Variants in UROS observed in about 807,000 individuals in gnomAD.
The protein encoded by UROS is uroporphyrinogen-III synthase.
A neutral mutation model predicts 33.0 loss-of-function variants in UROS; 18 were observed. That is an observed-to-expected ratio of 0.55 (90% CI 0.38 to 0.81). UROS has a LOEUF of 0.81. Among genes scored for constraint, UROS ranks in the 30% least tolerant of loss-of-function variants. The pLI is 0.00. For missense variants in UROS, 293 were observed against 314.9 expected (o/e 0.93, Z 0.53); for synonymous variants, 114 against 121.1 (o/e 0.94, Z 0.38).
downstream of UROS, among the ~76,000 whole-genome samples, chr10:125,787,429 T>TC (rs1850665330): frequency 6.6e-6 from 1 of 152,128 alleles, no homozygotes; most frequent in African/African-American, 2.4e-5. Flanking sequence ...CTGATCACAC[T>TC]CCAGCTATGG....
At chr10:125,801,567 C>G (rs1037815058) in intron 6 of UROS, among the ~76,000 whole-genome samples, 3 of 152,232 alleles carry the variant, frequency 2.0e-5, no homozygotes, top group African/African-American at 7.2e-5. Context: ...AAAGAAAAAT[C>G]ATTAATGCCT....
chr10:125,820,186 G>C (rs945181350), intron 1 of UROS, among the ~76,000 whole-genome samples: 1 of 152,178 alleles, frequency 6.6e-6, no homozygotes, highest in Non-Finnish European at 1.5e-5. Flanking sequence ...AAAGGGATTT[G>C]TTATAAGGTA....
intron 6 of UROS, chr10:125,802,800 C>A (rs2133871736): frequency 6.9e-7 from 1 of 1,443,722 alleles, no homozygotes; most frequent in East Asian, 2.5e-5. Context: ...CAGACTGAGG[C>A]ATCTGTGCGA....
At chr10:125,789,238 C>A in intron 9 of UROS, 1 of 1,433,964 alleles carries the variant, frequency 7.0e-7, no homozygotes, top group Non-Finnish European at 9.1e-7. Flanking sequence ...TGTCGCCAGG[C>A]TCAGGTGAGG....
At chr10:125,806,312 A>C (rs1036588229) in intron 6 of UROS, among the ~76,000 whole-genome samples, 2 of 152,134 alleles carry the variant, frequency 1.3e-5, no homozygotes, top group African/African-American at 4.8e-5. Flanking sequence ...GACCTATTTA[A>C]GGTATACTCT....
downstream of UROS, chr10:125,785,773 A>G (rs1257811239): frequency 6.6e-6 from 1 of 152,246 alleles, no homozygotes; most frequent in Non-Finnish European, 1.5e-5. Flanking sequence ...TTGGCTCTCA[A>G]ATTCCTGTGT....
intron 1 of UROS, among the ~76,000 whole-genome samples, chr10:125,822,780 G>A (rs1854099639): frequency 6.6e-6 from 1 of 152,172 alleles, no homozygotes; most frequent in Non-Finnish European, 1.5e-5. Flanking sequence ...ATTTTTAACT[G>A]CGGTGCCGGC....
In UROS at chr10:125,816,776, T is replaced by C. The variant is rs560857910; in HGVS notation, c.-26-251A>G. On this transcript the variant is annotated intron_variant, in intron 1 of 9. Coordinates refer to ENST00000368797, the MANE Select transcript of UROS (RefSeq NM_000375.3). ...GATGAAACCATTAGTGAAAGCCAAG[T>C]GTCCTATGCCAAACGTTTATGGTTC... 5 of 559,798 alleles carry C rather than the reference T, an allele frequency of 8.9e-6. No individual in the cohort carries two copies. In the South Asian group the frequency reaches 1.1e-4, roughly 12 times the overall value. The allele number at this position is 559,798 out of a possible 1,614,324, so 34.7% of individuals were successfully genotyped here.
downstream of UROS, among the ~76,000 whole-genome samples, chr10:125,786,588 C>A (rs2133792289): frequency 6.6e-6 from 1 of 152,280 alleles, no homozygotes; most frequent in Non-Finnish European, 1.5e-5. Flanking sequence ...TAAGAAAATA[C>A]TGACCTCCCA....
At chr10:125,821,721 TTCTGAG>T (rs1853921375) in intron 1 of UROS, among the ~76,000 whole-genome samples, 1 of 152,252 alleles carries the variant, frequency 6.6e-6, no homozygotes, top group African/African-American at 2.4e-5. Context: ...CACATGGTCT[TTCTGAG>T]TCTTTTTTCT....
At chr10:125,805,154 C>A (rs186237534) in intron 6 of UROS, among the ~76,000 whole-genome samples, 178 of 152,366 alleles carry the variant, frequency 1.2e-3, no homozygotes, top group African/African-American at 4.1e-3. Flanking sequence ...GTGGCCGAAA[C>A]ACTCTGGGAC....
intron 7 of UROS, 63 bp downstream of exon 7, chr10:125,798,002 C>T: frequency 6.3e-7 from 1 of 1,592,486 alleles, no homozygotes; most frequent in South Asian, 1.1e-5. Context: ...CCACTTCTAT[C>T]ACTGCAAAGG....
chr10:125,794,371 G>A, intron 9 of UROS: 1 of 1,004,444 alleles, frequency 1.0e-6, no homozygotes, highest in Non-Finnish European at 1.2e-6. Flanking sequence ...TCCCTCTGGA[G>A]CCAGTTCAAG....
intron 6 of UROS, among the ~76,000 whole-genome samples, chr10:125,803,737 TCA>T (rs1852056187): frequency 6.6e-6 from 1 of 152,174 alleles, no homozygotes; most frequent in African/African-American, 2.4e-5. Flanking sequence ...CGGTCAACTC[TCA>T]GAGGCTACTC....
chr10:125,819,073 C>T (rs1364716943), intron 1 of UROS, among the ~76,000 whole-genome samples: 2 of 152,186 alleles, frequency 1.3e-5, no homozygotes, highest in Non-Finnish European at 2.9e-5. Flanking sequence ...CAACCTCCGC[C>T]TCCCGGGTTC....
chr10:125,804,673 A>G (rs527420114), intron 6 of UROS, among the ~76,000 whole-genome samples: 1 of 152,312 alleles, frequency 6.6e-6, no homozygotes, highest in African/African-American at 2.4e-5. Context: ...CCCAGCTGTT[A>G]TCTGGAGCAT....
intron 2 of UROS, 37 bp downstream of exon 2, chr10:125,816,400 A>G (rs1471556911): frequency 1.2e-6 from 2 of 1,613,504 alleles, no homozygotes; most frequent in South Asian, 2.2e-5. Context: ...ACTCAGTAGA[A>G]AGGACACTGT....
intron 1 of UROS, among the ~76,000 whole-genome samples, chr10:125,819,977 G>GA (rs561029025): frequency 4.1e-3 from 589 of 145,180 alleles, no homozygotes; most frequent in South Asian, 9.8e-3. Context: ...AAAAAGAAAA[G>GA]AAAAAAAAAA....
At chr10:125,804,732 CTGAG>C (rs1852167219) in intron 6 of UROS, among the ~76,000 whole-genome samples, 1 of 152,180 alleles carries the variant, frequency 6.6e-6, no homozygotes, top group African/African-American at 2.4e-5. Context: ...ATTTGGTATC[CTGAG>C]TGTTTTACAG....
Sources: gnomAD v4.1 joint callset for allele counts (sites outside exome capture counted in the v4.1 genomes callset) on GRCh38, gnomAD v4.1.1 for gene constraint, MANE v1.5 for transcripts, NCBI Gene and HGNC (gene_info 2026-07-23, HGNC 2026-07-21) for gene names.